TRPM1: variants seen among roughly 807,000 people sequenced by gnomAD.
TRPM1 encodes the protein transient receptor potential cation channel subfamily M member 1.
In TRPM1, 113 loss-of-function variants were observed where a neutral mutation model predicts 149.4. That is an observed-to-expected ratio of 0.76 (90% CI 0.65 to 0.88). The LOEUF is 0.88. Among genes scored for constraint, TRPM1 ranks in the 40% least tolerant of loss-of-function variants. The pLI is 0.00. For missense variants in TRPM1, 1,976 were observed against 2,038.7 expected, an observed-to-expected ratio of 0.97 and a Z score of 0.59; for synonymous variants, 741 against 759.5, an observed-to-expected ratio of 0.98 and a Z score of 0.40.
chr15:31,150,253 C>T (rs1490268762), intron 1 of TRPM1, among the ~76,000 whole-genome samples: 1 of 152,104 alleles, frequency 6.6e-6, no homozygotes, highest in Non-Finnish European at 1.5e-5. Flanking sequence ...TGCTGATGTG[C>T]ATTGTGGATC....
At chr15:31,021,945 T>TA (rs1332233892) in intron 27 of TRPM1, among the ~76,000 whole-genome samples, 1 of 151,942 alleles carries the variant, frequency 6.6e-6, no homozygotes, top group Non-Finnish European at 1.5e-5. Flanking sequence ...GTAGACGATA[T>TA]AAAAAAAGCA....
upstream of TRPM1, among the ~76,000 whole-genome samples, chr15:31,104,816 A>G (rs147000482): frequency 3.4e-3 from 513 of 151,884 alleles, no homozygotes; most frequent in South Asian, 8.7e-3. Flanking sequence ...GGATGGTCTC[A>G]ATCTCCTGAC....
At chr15:31,050,341 A>G (rs962564422) in intron 12 of TRPM1, 68 bp downstream of exon 12, 1 of 1,612,728 alleles carries the variant, frequency 6.2e-7, no homozygotes, top group South Asian at 1.1e-5. Flanking sequence ...TGAAGCAAGG[A>G]CAAGAACCAT....
intron 2 of TRPM1, 23 bp from the exon 3 acceptor site, chr15:31,077,007 T>C: frequency 2.0e-6 from 3 of 1,531,178 alleles, no homozygotes; most frequent in South Asian, 1.1e-5. Context: ...GAGAAGTGGA[T>C]ATTGGACCAA....
intron 2 of TRPM1, 45 bp downstream of exon 2, chr15:31,081,308 G>T (rs995269679): frequency 1.4e-5 from 16 of 1,110,486 alleles, no homozygotes; most frequent in Non-Finnish European, 2.0e-5. Context: ...TACTTTCTCA[G>T]GGGGGGAGGG....
upstream of TRPM1, among the ~76,000 whole-genome samples, chr15:31,104,812 T>C (rs2035579332): frequency 6.6e-6 from 1 of 152,162 alleles, no homozygotes; most frequent in South Asian, 2.1e-4. Flanking sequence ...GCCAGGATGG[T>C]CTCAATCTCC....
chr15:31,046,579 G>T (rs1032786344), intron 15 of TRPM1, among the ~76,000 whole-genome samples: 16 of 152,312 alleles, frequency 1.1e-4, no homozygotes, highest in Admixed American at 9.8e-4. Flanking sequence ...TTTGATAAGG[G>T]TGGGAAAGGC....
chr15:31,109,698 TAAA>T (rs71420547), intron 1 of TRPM1, among the ~76,000 whole-genome samples: 3 of 123,112 alleles, frequency 2.4e-5, no homozygotes, highest in Non-Finnish European at 1.7e-5. Flanking sequence ...AGACTCTGTC[TAAA>T]AAAAAAAAAA....
chr15:31,072,343 T>G (rs764641376), intron 3 of TRPM1, among the ~76,000 whole-genome samples: 1 of 152,110 alleles, frequency 6.6e-6, no homozygotes, highest in African/African-American at 2.4e-5. Flanking sequence ...TATTGTAGCA[T>G]GTGTTGGTAC....
chr15:31,092,337 G>A (rs911087818), intron 1 of TRPM1, among the ~76,000 whole-genome samples: 3 of 152,018 alleles, frequency 2.0e-5, no homozygotes, highest in Non-Finnish European at 2.9e-5. Context: ...CTGGTTTTAC[G>A]AACGAAGAAA....
chr15:31,135,656 C>A (rs1387590157), intron 1 of TRPM1, among the ~76,000 whole-genome samples: 1 of 151,982 alleles, frequency 6.6e-6, no homozygotes, highest in Non-Finnish European at 1.5e-5. Flanking sequence ...GGGGGCAGGT[C>A]CCTCAGGAGT....
intron 1 of TRPM1, among the ~76,000 whole-genome samples, chr15:31,094,883 A>T (rs1230036479): frequency 6.6e-6 from 1 of 152,252 alleles, no homozygotes; most frequent in Admixed American, 6.5e-5. Context: ...TATATACCCA[A>T]GAGAAATGAA....
intron 7 of TRPM1, among the ~76,000 whole-genome samples, chr15:31,065,433 G>C (rs1401331978): frequency 1.3e-5 from 2 of 152,170 alleles, no homozygotes; most frequent in Non-Finnish European, 2.9e-5. Context: ...AGAATTACTG[G>C]AGTATAAACA....
At chr15:31,041,544 T>C (rs2033618432) in intron 17 of TRPM1, among the ~76,000 whole-genome samples, 2 of 152,082 alleles carry the variant, frequency 1.3e-5, no homozygotes, top group Admixed American at 6.6e-5. Flanking sequence ...CCTCTAGCCA[T>C]CCTGTCCCAC....
intron 3 of TRPM1, among the ~76,000 whole-genome samples, chr15:31,072,014 T>TAGAGAG (rs1320448721): frequency 7.8e-4 from 22 of 28,278 alleles, no homozygotes; most frequent in African/African-American, 1.3e-3. Flanking sequence ...TATATATATA[T>TAGAGAG]ATATAGAGAG....
In TRPM1 at chr15:31,002,683, G is replaced by T. The variant is rs777374039; in HGVS notation, c.4017C>A (p.Val1339=). The T allele has an allele frequency of 6.8e-6, 11 of 1,614,164 alleles. 1 individual carries two copies. In the Middle Eastern group the frequency reaches 4.9e-4, roughly 73 times the overall value. Residue 1339 remains valine, a synonymous_variant, in exon 28 of 28, where the codon GTC becomes GTA. Coordinates refer to ENST00000256552, the MANE Select transcript of TRPM1 (RefSeq NM_001252024.2). ...KEEKDVKTHL[V]PECQNSLHLS... Reference sequence around the variant, plus strand: ...GGTGAAGACTGTTCTGACATTCTGGGACTAGGTGCGTTTTCACGTCCTTCT... The same window carrying T: ...GGTGAAGACTGTTCTGACATTCTGGTACTAGGTGCGTTTTCACGTCCTTCT...
At chr15:31,149,701 A>G (rs573168170) in intron 1 of TRPM1, among the ~76,000 whole-genome samples, 2 of 152,012 alleles carry the variant, frequency 1.3e-5, no homozygotes, top group African/African-American at 4.8e-5. Flanking sequence ...TTGTATTTTT[A>G]GTAGAGACGG....
intron 2 of TRPM1, among the ~76,000 whole-genome samples, chr15:31,079,165 A>G (rs1307833137): frequency 1.3e-5 from 2 of 152,374 alleles, no homozygotes; most frequent in Middle Eastern, 3.4e-3. Context: ...CTGTCTATAC[A>G]TATACACATA....
chr15:31,115,816 T>C (rs1596082218), intron 1 of TRPM1, among the ~76,000 whole-genome samples: 1 of 151,922 alleles, frequency 6.6e-6, no homozygotes, highest in Non-Finnish European at 1.5e-5. Context: ...TGTCATAAGC[T>C]GCCTGGCTTA....
Sources: gnomAD v4.1 joint callset for allele counts (sites outside exome capture counted in the v4.1 genomes callset) on GRCh38, gnomAD v4.1.1 for gene constraint, MANE v1.5 for transcripts, NCBI Gene and HGNC (gene_info 2026-07-23, HGNC 2026-07-21) for gene names.